NAALADL2: variants seen among roughly 807,000 people sequenced by gnomAD.
The protein encoded by NAALADL2 is inactive N-acetylated-alpha-linked acidic dipeptidase-like protein 2.
Under a neutral mutation model 87.2 loss-of-function variants are expected in NAALADL2, and 76 were observed. The ratio of observed to expected loss-of-function variants is 0.87; its 90% CI spans 0.72 to 1.05. NAALADL2 has a LOEUF of 1.05. NAALADL2 is among the 50% of genes least tolerant of loss of function. NAALADL2 has a pLI of 0.00. For missense variants in NAALADL2, 1,089 were observed against 945.8 expected (o/e 1.15, Z -1.99); for synonymous variants, 354 against 331.0 (o/e 1.07, Z -0.75).
chr3:175,541,820 T>G (rs1200811175), intron 9 of NAALADL2, among the ~76,000 whole-genome samples: 1 of 152,130 alleles, frequency 6.6e-6, no homozygotes, highest in Non-Finnish European at 1.5e-5. Flanking sequence ...CCTCCCAGGT[T>G]CAAGTGATTC....
At chr3:175,279,266 C>G (rs1484725821) in intron 4 of NAALADL2, among the ~76,000 whole-genome samples, 1 of 152,078 alleles carries the variant, frequency 6.6e-6, no homozygotes, top group African/African-American at 2.4e-5. Context: ...GACATTTATC[C>G]TTATCGTTGC....
chr3:175,397,713 A>G lies in NAALADL2; in HGVS notation c.1091-49516A>G, dbSNP rs146040796. Among the ~76,000 whole-genome samples, 568 of 152,272 alleles carry G rather than the reference A, an allele frequency of 3.7e-3. 2 individuals carry two copies. Among genetic ancestry groups the G allele is most frequent in the Non-Finnish European group, 4.8e-3 (327 of 68,020 alleles). On this transcript the variant is annotated intron_variant, in intron 5 of 13. Coordinates refer to ENST00000454872, the MANE Select transcript of NAALADL2 (RefSeq NM_207015.3). ...GGTACACCGTGTTTTATTTGTTGTA[A>G]TATATGCACTTCAAGTTTCTGGGTC...
chr3:174,868,176 A>T (rs779597487), intron 1 of NAALADL2, among the ~76,000 whole-genome samples: 7 of 152,136 alleles, frequency 4.6e-5, no homozygotes, highest in Non-Finnish European at 7.4e-5. Flanking sequence ...AGAAGGAGAA[A>T]TGTAATGCTT....
chr3:175,806,791 T>C lies in NAALADL2; in HGVS notation c.*3588T>C, dbSNP rs560457181. On this transcript the variant is annotated 3_prime_UTR_variant, in exon 14 of 14. Coordinates refer to ENST00000454872, the MANE Select transcript of NAALADL2 (RefSeq NM_207015.3). Reference sequence around the variant, plus strand: ...TCCACAGTTCCAAAGCTAATAAAAATGATGAGGCATATTTCTCTTCTGGGC... The same window carrying C: ...TCCACAGTTCCAAAGCTAATAAAAACGATGAGGCATATTTCTCTTCTGGGC... 5.4e-5 allele frequency: 8 copies of C among 148,318 alleles called. No homozygotes were observed. The highest frequency in any genetic ancestry group is 2.0e-4 in the African/African-American group (8 of 40,384). 9.2% of individuals were successfully genotyped at this position (148,318 alleles called of 1,614,324 possible).
chr3:174,858,770 T>C (rs1009388201), upstream of NAALADL2, among the ~76,000 whole-genome samples: 1 of 151,940 alleles, frequency 6.6e-6, no homozygotes, highest in African/African-American at 2.4e-5. Flanking sequence ...CATTAGTGTT[T>C]TCAATCTTCG....
intron 2 of NAALADL2, among the ~76,000 whole-genome samples, chr3:175,174,562 CAA>C (rs1235025448): frequency 1.3e-5 from 2 of 151,694 alleles, no homozygotes; most frequent in African/African-American, 4.8e-5. Context: ...TAAAATAGAA[CAA>C]AGACAAAAAT....
Position 175,422,631 on chromosome 3 carries a change from G to A in NAALADL2, c.1091-24598G>A, listed in dbSNP as rs557035008. ...AATAAGCATTAAACCAGAACGTGATGTGCATCACAGGCAATCTGCTAAAGA... is the reference window on the plus strand; with the variant it reads ...AATAAGCATTAAACCAGAACGTGATATGCATCACAGGCAATCTGCTAAAGA... On this transcript the variant is annotated intron_variant, in intron 5 of 13. Coordinates refer to ENST00000454872, the MANE Select transcript of NAALADL2 (RefSeq NM_207015.3). Among the ~76,000 whole-genome samples the A allele has an allele frequency of 4.6e-5, 7 of 151,632 alleles. No homozygotes were observed. The East Asian group carries it at 1.4e-3, about 30-fold the overall frequency.
chr3:174,817,010 TGGGTGTTCTACAACA>T (rs1720884470), intron 3 of NAALADL2, among the ~76,000 whole-genome samples: 3 of 152,320 alleles, frequency 2.0e-5, no homozygotes, highest in South Asian at 4.1e-4. Context: ...CTTCAGTCAC[TGGGTGTTCTACAACA>T]GGCAGGAACT....
intron 11 of NAALADL2, among the ~76,000 whole-genome samples, chr3:175,636,707 A>AG (rs1308811154): frequency 2.7e-5 from 4 of 147,342 alleles, no homozygotes; most frequent in Admixed American, 2.0e-4. Flanking sequence ...AAAAAAAAAA[A>AG]AAAAAAAGAA....
At chr3:175,536,434 A>G (rs2149457220) in intron 9 of NAALADL2, among the ~76,000 whole-genome samples, 1 of 152,276 alleles carries the variant, frequency 6.6e-6, no homozygotes, top group Admixed American at 6.5e-5. Flanking sequence ...TTGTGATTGA[A>G]TTGGATAATA....
chr3:175,118,119 G>GT (rs61442394), intron 2 of NAALADL2, among the ~76,000 whole-genome samples: 91,209 of 151,110 alleles, frequency 0.6, 28,000 homozygotes, highest in African/African-American at 0.73. Flanking sequence ...CTGTCGTAGG[G>GT]TGGGGGGGAG....
chr3:174,596,471 A>G (rs1352025007), intron 2 of NAALADL2, among the ~76,000 whole-genome samples: 1 of 152,192 alleles, frequency 6.6e-6, no homozygotes, highest in Non-Finnish European at 1.5e-5. Context: ...TTTTAGCTGT[A>G]TCAGAACCAC....
chr3:174,674,602 G>T (rs1726872926), intron 2 of NAALADL2, among the ~76,000 whole-genome samples: 1 of 151,774 alleles, frequency 6.6e-6, no homozygotes, highest in Non-Finnish European at 1.5e-5. Context: ...AGCTTTTGGT[G>T]GAAATAATTC....
intron 13 of NAALADL2, among the ~76,000 whole-genome samples, chr3:175,801,234 A>G (rs9882901): frequency 0.16 from 24,623 of 152,104 alleles, 2,568 homozygotes; most frequent in East Asian, 0.31. Flanking sequence ...GCTCTACATT[A>G]CAACCAACAT....
At chr3:175,210,669 AG>A (rs1225032937) in intron 2 of NAALADL2, among the ~76,000 whole-genome samples, 1 of 151,590 alleles carries the variant, frequency 6.6e-6, no homozygotes, top group African/African-American at 2.4e-5. Flanking sequence ...AAAAGGGAAA[AG>A]GTTTAAAAAC....
intron 1 of NAALADL2, among the ~76,000 whole-genome samples, chr3:174,964,408 A>G (rs964821774): frequency 5.3e-5 from 8 of 152,106 alleles, no homozygotes; most frequent in Non-Finnish European, 1.2e-4. Flanking sequence ...AGGACAGAAG[A>G]TAAAGATTTA....
Position 175,148,379 on chromosome 3 carries a change from A to G in NAALADL2, c.545+51088A>G, listed in dbSNP as rs148456013. 4.1e-4 allele frequency among the ~76,000 whole-genome samples: 63 copies of G among 151,896 alleles called. No homozygotes were observed. In the East Asian group the frequency reaches 0.011, roughly 28 times the overall value. On this transcript the variant is annotated intron_variant, in intron 2 of 13. Coordinates refer to ENST00000454872, the MANE Select transcript of NAALADL2 (RefSeq NM_207015.3). ...ACTTAATTTGTGACTATTTTCTTCA[A>G]TTAGGTAGGTTGTCTGTTGATTTTG...
chr3:175,413,567 CAA>C (rs766955477), intron 5 of NAALADL2, among the ~76,000 whole-genome samples: 9 of 132,576 alleles, frequency 6.8e-5, no homozygotes, highest in Non-Finnish European at 6.3e-5. Context: ...GAGACTCCAT[CAA>C]AAAAAAAAAA....
intron 2 of NAALADL2, among the ~76,000 whole-genome samples, chr3:174,617,287 G>A (rs914516411): frequency 2.6e-5 from 4 of 151,582 alleles, no homozygotes; most frequent in Admixed American, 2.0e-4. Context: ...AATAAATTAT[G>A]TATGTTAGTT....
Sources: allele counts gnomAD v4.1 joint callset (sites outside exome capture counted in the v4.1 genomes callset), GRCh38; gene constraint gnomAD v4.1.1; transcripts MANE v1.5; gene names NCBI Gene and HGNC (gene_info 2026-07-23, HGNC 2026-07-21).